PSPC1: variants seen among roughly 807,000 people sequenced by gnomAD.
PSPC1 encodes the protein paraspeckle component 1, also known as paraspeckle protein 1.
Under a neutral mutation model 51.6 loss-of-function variants are expected in PSPC1, and 14 were observed. The ratio of observed to expected loss-of-function variants is 0.27; its 90% CI spans 0.18 to 0.42. The LOEUF (loss-of-function observed/expected upper bound fraction) is 0.42. PSPC1 is among the 10% of genes least tolerant of loss of function. PSPC1 has a pLI of 1.00. For synonymous variants in PSPC1, 193 were observed against 231.9 expected, an observed-to-expected ratio of 0.83 and a Z score of 1.53; for missense variants, 406 against 701.1, an observed-to-expected ratio of 0.58 and a Z score of 4.75.
At chr13:19,703,546 A>T (rs3864980) in intron 8 of PSPC1, among the ~76,000 whole-genome samples, 186 bp from the exon 9 acceptor site, 17,425 of 147,614 alleles carry the variant, frequency 0.12, 1,056 homozygotes, top group Middle Eastern at 0.17. Context: ...TGTTTTTTTT[A>T]AAAAAATGCA....
chr13:19,677,114 T>C (rs1015272274), intron 7 of PSPC1, among the ~76,000 whole-genome samples: 5 of 151,496 alleles, frequency 3.3e-5, no homozygotes, highest in Non-Finnish European at 5.9e-5. Context: ...GCGCCTGTGG[T>C]CCCAGCTACT....
chr13:19,762,983 T>TA (rs1887732138), intron 2 of PSPC1, among the ~76,000 whole-genome samples: 1 of 151,992 alleles, frequency 6.6e-6, no homozygotes, highest in Non-Finnish European at 1.5e-5. Context: ...TACATGCCTG[T>TA]AGTCCCAGCT....
At chr13:19,686,684 T>C (rs1565958097) in intron 6 of PSPC1, among the ~76,000 whole-genome samples, 1 of 152,206 alleles carries the variant, frequency 6.6e-6, no homozygotes, top group Non-Finnish European at 1.5e-5. Context: ...ATAGTTTATG[T>C]ATAAATAGTA....
intron 3 of PSPC1, 76 bp downstream of exon 3, chr13:19,759,247 A>G: frequency 1.8e-6 from 2 of 1,132,960 alleles, no homozygotes; most frequent in Non-Finnish European, 2.7e-6. Context: ...AACACCTCAT[A>G]ATCCAATATT....
At chr13:19,750,142 A>C (rs1392894301) in intron 4 of PSPC1, among the ~76,000 whole-genome samples, 1 of 152,190 alleles carries the variant, frequency 6.6e-6, no homozygotes, top group African/African-American at 2.4e-5. Context: ...AAAATACTGA[A>C]TCTAGTACAC....
rs552003781 is a variant in PSPC1, at chr13:19,741,108, A to C, written c.1052+457T>G. ...AAGCTGGTCTCGAACTCCTGACCTC[A>C]TGTGATCTGCCCACCTCAGCCTCCC... On this transcript the variant is annotated intron_variant, in intron 5 of 8. Transcript: ENST00000338910. 2.0e-5 allele frequency among the ~76,000 whole-genome samples: 3 copies of C among 152,260 alleles called. No individual in the cohort carries two copies. In the East Asian group the frequency reaches 5.8e-4, roughly 29 times the overall value.
At chr13:19,706,747 G>A (rs1593578999) in intron 7 of PSPC1, among the ~76,000 whole-genome samples, 1 of 152,130 alleles carries the variant, frequency 6.6e-6, no homozygotes, top group East Asian at 1.9e-4. Context: ...TTCTAATTTA[G>A]AGTTTTCTTC....
At chr13:19,731,929 T>C (rs1194262226) in intron 5 of PSPC1, among the ~76,000 whole-genome samples, 2 of 152,228 alleles carry the variant, frequency 1.3e-5, no homozygotes, top group African/African-American at 2.4e-5. Context: ...GAAGGCTATA[T>C]AAAGCTGATG....
intron 5 of PSPC1, among the ~76,000 whole-genome samples, chr13:19,736,463 C>A (rs894217203): frequency 2.0e-5 from 3 of 152,128 alleles, no homozygotes; most frequent in Admixed American, 1.3e-4. Context: ...GCGGGCGGAT[C>A]ACAAGGTCAG....
chr13:19,734,392 A>G (rs1747624721), intron 5 of PSPC1, among the ~76,000 whole-genome samples: 1 of 152,232 alleles, frequency 6.6e-6, no homozygotes, highest in African/African-American at 2.4e-5. Flanking sequence ...AGGATTCTGA[A>G]AGACGCCTAC....
intron 1 of PSPC1, among the ~76,000 whole-genome samples, chr13:19,773,168 TAAA>T (rs1158290809): frequency 1.4e-5 from 2 of 147,778 alleles, no homozygotes; most frequent in Non-Finnish European, 3.0e-5. Flanking sequence ...TCGGAAAAAA[TAAA>T]AATAAAAAAA....
At chr13:19,684,804 ATTTGGCAT>A (rs1877674979) in intron 6 of PSPC1, among the ~76,000 whole-genome samples, 1 of 152,160 alleles carries the variant, frequency 6.6e-6, no homozygotes, top group African/African-American at 2.4e-5. Flanking sequence ...CTGCTGCCCC[ATTTGGCAT>A]GAACTCCTCA....
chr13:19,717,531 C>G (rs1440860463), intron 6 of PSPC1, among the ~76,000 whole-genome samples: 2 of 151,398 alleles, frequency 1.3e-5, no homozygotes, highest in African/African-American at 4.9e-5. Context: ...CATGGTGAAA[C>G]CCATCTCTAT....
intron 6 of PSPC1, among the ~76,000 whole-genome samples, chr13:19,723,732 T>C (rs1475802152): frequency 6.6e-6 from 1 of 152,234 alleles, no homozygotes; most frequent in African/African-American, 2.4e-5. Flanking sequence ...TATATGTTTG[T>C]TTTTATTTGA....
At chr13:19,721,335 C>T (rs558786396) in intron 6 of PSPC1, among the ~76,000 whole-genome samples, 1 of 152,246 alleles carries the variant, frequency 6.6e-6, no homozygotes, top group Non-Finnish European at 1.5e-5. Flanking sequence ...GATATGTTTA[C>T]ATTAGTTAAC....
At chr13:19,770,677 A>G (rs1057244270) in intron 2 of PSPC1, among the ~76,000 whole-genome samples, 6 of 151,926 alleles carry the variant, frequency 3.9e-5, no homozygotes, top group African/African-American at 1.2e-4. Flanking sequence ...AATCCCAACT[A>G]CTCGGGAGGC....
chr13:19,697,535 C>G (rs905408749), downstream of PSPC1, among the ~76,000 whole-genome samples: 1 of 152,120 alleles, frequency 6.6e-6, no homozygotes, highest in Non-Finnish European at 1.5e-5. Context: ...TTTTTGTAGA[C>G]AATTACTCCC....
intron 6 of PSPC1, among the ~76,000 whole-genome samples, chr13:19,693,680 G>A (rs1221332171): frequency 6.6e-6 from 1 of 152,088 alleles, no homozygotes; most frequent in Non-Finnish European, 1.5e-5. Flanking sequence ...AACACAAAAG[G>A]AAAGTAACAA....
chr13:19,758,007 T>C (rs1276171439), intron 3 of PSPC1, among the ~76,000 whole-genome samples: 1 of 147,642 alleles, frequency 6.8e-6, no homozygotes, highest in Non-Finnish European at 1.5e-5. Context: ...AATAAAGCTT[T>C]ATAAACTTAA....
Sources: allele counts gnomAD v4.1 joint callset (sites outside exome capture counted in the v4.1 genomes callset), GRCh38; gene constraint gnomAD v4.1.1; transcripts MANE v1.5; gene names NCBI Gene and HGNC (gene_info 2026-07-23, HGNC 2026-07-21).